PGCKA1: variants seen among roughly 807,000 people sequenced by gnomAD.
The protein encoded by PGCKA1 is PDCD10 and GCKIII kinases-associated protein 1.
chr4:37,556,303 T>A, the PGCKA1 span, among the ~76,000 whole-genome samples: 1 of 152,120 alleles, frequency 6.6e-6, no homozygotes, highest in Non-Finnish European at 1.5e-5. Flanking sequence ...GTTTCGCTCT[T>A]GTTGCCCAGG....
the PGCKA1 span, among the ~76,000 whole-genome samples, chr4:37,543,499 T>A: frequency 2.0e-5 from 3 of 151,810 alleles, no homozygotes; most frequent in African/African-American, 7.3e-5. Context: ...GTTGTATAAA[T>A]CTTTATCTTT....
chr4:37,559,697 T>C, the PGCKA1 span, among the ~76,000 whole-genome samples: 20 of 152,304 alleles, frequency 1.3e-4, no homozygotes, highest in African/African-American at 4.8e-4. Context: ...ATGATTCCAG[T>C]ATACTCTCCT....
chr4:37,544,069 A>C, the PGCKA1 span, among the ~76,000 whole-genome samples: 5 of 152,116 alleles, frequency 3.3e-5, no homozygotes, highest in African/African-American at 4.8e-5. Context: ...AGCCTGAGAA[A>C]AGATATATGG....
At chr4:37,572,093 C>T in the PGCKA1 span, among the ~76,000 whole-genome samples, 130 of 115,716 alleles carry the variant, frequency 1.1e-3, 1 homozygote, top group African/African-American at 3.9e-3. Flanking sequence ...GACGGAGTCT[C>T]GCTCTGTCGC....
chr4:37,455,682 C>A, the PGCKA1 span, among the ~76,000 whole-genome samples: 1 of 152,202 alleles, frequency 6.6e-6, no homozygotes, highest in African/African-American at 2.4e-5. Flanking sequence ...CAACTCAACA[C>A]GTTCCATTAT....
chr4:37,581,855 G>T, the PGCKA1 span, among the ~76,000 whole-genome samples: 1 of 152,186 alleles, frequency 6.6e-6, no homozygotes. The surrounding 1 kb of genome is among the most constrained non-coding windows in gnomAD (Gnocchi z 4.4). Flanking sequence ...TACCCTTCAA[G>T]TGTATTAGGA....
chr4:37,494,961 A>G, the PGCKA1 span, among the ~76,000 whole-genome samples: 1 of 152,046 alleles, frequency 6.6e-6, no homozygotes, highest in Admixed American at 6.6e-5. Context: ...ACAGAATGGG[A>G]GAAAATTTTT....
chr4:37,507,230 A>G, the PGCKA1 span, among the ~76,000 whole-genome samples: 1 of 152,056 alleles, frequency 6.6e-6, no homozygotes, highest in Non-Finnish European at 1.5e-5. Context: ...GTTTTTATCC[A>G]TTCAGCCAAT....
chr4:37,485,207 C>G, the PGCKA1 span, among the ~76,000 whole-genome samples: 3 of 152,012 alleles, frequency 2.0e-5, no homozygotes, highest in Admixed American at 2.0e-4. Context: ...GTTTTCTGAT[C>G]AGGTATTGTT....
At chr4:37,568,246 C>G in the PGCKA1 span, among the ~76,000 whole-genome samples, 1 of 152,212 alleles carries the variant, frequency 6.6e-6, no homozygotes, top group South Asian at 2.1e-4. Context: ...CAATTTCAAC[C>G]CAGACATTCT....
chr4:37,565,469 C>T, the PGCKA1 span, among the ~76,000 whole-genome samples: 2 of 152,144 alleles, frequency 1.3e-5, no homozygotes, highest in African/African-American at 4.8e-5. Flanking sequence ...CGGGTCTAAT[C>T]TGGGGGAAGG....
the PGCKA1 span, among the ~76,000 whole-genome samples, chr4:37,557,503 T>C: frequency 6.6e-6 from 1 of 152,192 alleles, no homozygotes; most frequent in Non-Finnish European, 1.5e-5. Context: ...GAGGACCTGC[T>C]TCATAGATAA....
At chr4:37,498,717 A>C in the PGCKA1 span, among the ~76,000 whole-genome samples, 1 of 152,202 alleles carries the variant, frequency 6.6e-6, no homozygotes, top group Non-Finnish European at 1.5e-5. Context: ...TATCAGCTTA[A>C]GGAGCTTTTG....
the PGCKA1 span, among the ~76,000 whole-genome samples, chr4:37,571,354 C>CTTTT: frequency 2.2e-5 from 2 of 90,696 alleles, no homozygotes; most frequent in South Asian, 3.6e-4. Flanking sequence ...AGACTATTAT[C>CTTTT]CTTTTTTTTT....
At chr4:37,590,502 G>T in the PGCKA1 span, 1 of 1,613,978 alleles carries the variant, frequency 6.2e-7, no homozygotes, top group South Asian at 1.1e-5. Context: ...ACTGTGTGCT[G>T]CTGGCCTCAG....
the PGCKA1 span, among the ~76,000 whole-genome samples, chr4:37,572,102 G>A: frequency 4.0e-4 from 47 of 118,636 alleles, no homozygotes; most frequent in South Asian, 0.012. Flanking sequence ...TCGCTCTGTC[G>A]CCCAGGCTGG....
At chr4:37,554,013 G>C in the PGCKA1 span, among the ~76,000 whole-genome samples, 1 of 152,182 alleles carries the variant, frequency 6.6e-6, no homozygotes, top group Non-Finnish European at 1.5e-5. Context: ...ATCTCATCTT[G>C]AATTGTAGCT....
chr4:37,529,945 A>C, the PGCKA1 span, among the ~76,000 whole-genome samples: 1 of 152,214 alleles, frequency 6.6e-6, no homozygotes, highest in Non-Finnish European at 1.5e-5. Flanking sequence ...AAAATAATGT[A>C]AGCCTTTTTG....
the PGCKA1 span, among the ~76,000 whole-genome samples, chr4:37,519,059 GT>G: frequency 6.6e-6 from 1 of 152,140 alleles, no homozygotes; most frequent in Admixed American, 6.5e-5. Context: ...TGGCACCTTT[GT>G]CAAAAATGAG....
Sources: allele counts gnomAD v4.1 joint callset (sites outside exome capture counted in the v4.1 genomes callset), GRCh38; gene constraint gnomAD v4.1.1; non-coding constraint Gnocchi (gnomAD v3.1); transcripts MANE v1.5; gene names NCBI Gene and HGNC (gene_info 2026-07-23, HGNC 2026-07-21).